LILRB5: variants seen among roughly 807,000 people sequenced by gnomAD.
LILRB5 encodes leukocyte immunoglobulin like receptor B5.
Under a neutral mutation model 68.4 loss-of-function variants are expected in LILRB5, and 61 were observed. That is an observed-to-expected ratio of 0.89 (90% CI 0.73 to 1.10). LILRB5 has a LOEUF of 1.10. Among genes scored for constraint, LILRB5 ranks in the 50% least tolerant of loss-of-function variants. The probability of loss-of-function intolerance (pLI) is 0.00; values close to 1 mark genes in which losing one functional copy is unlikely to be tolerated. For synonymous variants in LILRB5, 356 were observed against 315.8 expected (o/e 1.13, Z -1.35); for missense variants, 771 against 751.6 (o/e 1.03, Z -0.30).
At chr19:54,251,812 G>A (rs539586108) in intron 12 of LILRB5, 3 of 708,398 alleles carry the variant, frequency 4.2e-6, no homozygotes, top group Non-Finnish European at 7.9e-6. Context: ...CCTGGGGAGA[G>A]CTCTAACAAC....
chr19:54,253,671 G>C, intron 8 of LILRB5: 1 of 690,948 alleles, frequency 1.4e-6, no homozygotes, highest in East Asian at 3.0e-5. Flanking sequence ...CCCACGGTGG[G>C]ATGCGGCAGA....
chr19:54,256,902 G>A (rs2079165858), intron 2 of LILRB5, 59 bp downstream of exon 2: 1 of 1,613,444 alleles, frequency 6.2e-7, no homozygotes, highest in African/African-American at 1.3e-5. Context: ...AGCTGCCCGG[G>A]GTTGGGCCCT....
At chr19:54,253,711 G>T in intron 8 of LILRB5, 1 of 1,002,904 alleles carries the variant, frequency 1.0e-6, no homozygotes, top group Non-Finnish European at 1.5e-6. Context: ...AGTCTGACCC[G>T]CAGCCCTTGT....
In LILRB5 at chr19:54,256,146, G is replaced by A. The variant is rs1021423108; in HGVS notation, c.552C>T (p.Pro184=). The A allele has an allele frequency of 5.6e-6, 9 of 1,610,920 alleles. No individual in the cohort carries two copies. Among genetic ancestry groups the A allele is most frequent in the South Asian group, 3.3e-5 (3 of 90,760 alleles). The part of the protein sequence containing the change: ...GPSQALFPVG[P]VTPSCRWRFR... ...ACCTCCACCTGCAGCTGGGGGTCAC[G>A]GGACCCACAGGGAACAGGGCCTGGG... Residue 184 remains proline (P), a synonymous_variant, in exon 4 of 13, where the codon CCC becomes CCT. Coordinates refer to ENST00000449561, the MANE Select transcript of LILRB5 (RefSeq NM_001081442.3).
In LILRB5 at chr19:54,254,805, G is replaced by A. The variant is rs1279103066; in HGVS notation, c.1185C>T (p.Cys395=). The A allele has an allele frequency of 6.2e-7, 1 of 1,614,142 alleles. No homozygotes were observed. The highest frequency in any genetic ancestry group is 8.5e-7 in the Non-Finnish European group (1 of 1,180,000). The change falls in exon 6 of 13, where the codon TGC becomes TGT. Residue 395 remains cysteine, a synonymous_variant. Coordinates refer to ENST00000449561, the MANE Select transcript of LILRB5 (RefSeq NM_001081442.3). ...AGGGGTAGGACCTGATTGCGCTGTA[G>A]CATCGGTAGGTTCCACCCTGGGCTG... ...VTSAQGGTYR[C]YSAIRSYPYL...
At position 54,252,394 on chromosome 19, in the gene LILRB5, T is replaced by C. The variant is rs781148904; in HGVS notation, c.1548A>G (p.Pro516=). The C allele has an allele frequency of 9.9e-6, 16 of 1,614,058 alleles. No homozygotes were observed. The East Asian group carries it at 2.2e-4, about 22-fold the overall frequency. ...GAATTTCCTCCTGGATGTCAGCAAC[T>C]GGGCTGGCCCTGGGGGAGGACACGG... ...KDQGLQKRAS[P]VADIQEEILN... The change falls in exon 11 of 13, where the codon CCA becomes CCG. Residue 516 remains proline (P), a synonymous_variant. Coordinates refer to ENST00000449561, the MANE Select transcript of LILRB5 (RefSeq NM_001081442.3).
At chr19:54,254,494 C>G in intron 6 of LILRB5, 79 bp from the exon 7 acceptor site, 1 of 1,466,966 alleles carries the variant, frequency 6.8e-7, no homozygotes, top group Non-Finnish European at 9.2e-7. Context: ...CCCGTGGCTT[C>G]TCTGGAAACT....
chr19:54,254,027 G>A lies in LILRB5; in HGVS notation c.1348C>T (p.Pro450Ser), dbSNP rs1351456242. Reference protein sequence around the residue: ...DQPLTPTGLDPQSGLGRHLGV... With the variant: ...DQPLTPTGLDSQSGLGRHLGV... The stretch of plus-strand genomic sequence containing the variant: ...AGAGCCCCTCACTCACCACTCTGGG[G>A]ATCCAACCCCGTGGGGGTGAGGGGC... Residue 450 changes from proline to serine, a missense_variant, in exon 8 of 13, where the codon CCC becomes TCC. Pro to Ser is a moderately conservative substitution (Grantham distance 74). Transcript: ENST00000449561. 4 of 1,595,974 alleles carry A rather than the reference G, an allele frequency of 2.5e-6. No individual in the cohort carries two copies. The highest frequency in any genetic ancestry group is 3.5e-5 in the Admixed American group (2 of 57,502).
At chr19:54,254,137 C>G (rs896065974) in intron 7 of LILRB5, 69 bp from the exon 8 acceptor site, 1 of 1,547,250 alleles carries the variant, frequency 6.5e-7, no homozygotes, top group Admixed American at 2.1e-5. Context: ...TGCTCCTCCC[C>G]CAGGCTGGGC....
At position 54,256,362 on chromosome 19, in the gene LILRB5, G is replaced by C. The variant is rs374094808; in HGVS notation, c.356-20C>G. 6.3e-7 allele frequency: 1 copy of C among 1,592,016 alleles called. No homozygotes were observed. The highest frequency in any genetic ancestry group is 8.6e-7 in the Non-Finnish European group (1 of 1,167,998). ...AGAATCCTAGCAGAGAAGGAGGCAC[G>C]TCTTAAGTGGGGCTCCGACCTCCCA... On this transcript the variant is annotated intron_variant, in intron 3 of 12. Transcript: ENST00000449561.
In LILRB5 at chr19:54,256,470, C is replaced by T; in HGVS notation, c.355+19G>A. ...CTGAGGGCAGAGCCTGGGGCTGGGACCCCTGAGTGTCCTCTCACCTGTCGC... is the reference window on the plus strand; with the variant it reads ...CTGAGGGCAGAGCCTGGGGCTGGGATCCCTGAGTGTCCTCTCACCTGTCGC... On this transcript the variant is annotated intron_variant, in intron 3 of 12. Coordinates refer to ENST00000449561, the MANE Select transcript of LILRB5 (RefSeq NM_001081442.3). The T allele has an allele frequency of 1.9e-6, 3 of 1,612,654 alleles. No individual in the cohort carries two copies. The highest frequency in any genetic ancestry group is 1.7e-6 in the Non-Finnish European group (2 of 1,179,356).
At chr19:54,254,195 G>T (rs2079046401) in intron 7 of LILRB5, 127 bp from the exon 8 acceptor site, 1 of 1,495,316 alleles carries the variant, frequency 6.7e-7, no homozygotes, top group Admixed American at 2.3e-5. Context: ...CCCCTCACCG[G>T]CCCAGCCTCA....
At position 54,257,249 on chromosome 19, in the gene LILRB5, C is replaced by A. The variant is rs2079180046; in HGVS notation, c.-56G>T. 1 of 1,611,130 alleles carries A rather than the reference C, an allele frequency of 6.2e-7. No individual in the cohort carries two copies. The highest frequency in any genetic ancestry group is 8.5e-7 in the Non-Finnish European group (1 of 1,177,572). ...AGGCGGATGAGACCACGGTGCCTGG[C>A]AGGACACAAAAACACGCAGAGTGTG... On this transcript the variant is annotated 5_prime_UTR_variant, in exon 1 of 13. Coordinates refer to ENST00000449561, the MANE Select transcript of LILRB5 (RefSeq NM_001081442.3).
chr19:54,256,105 T>C lies in LILRB5; in HGVS notation c.593A>G (p.Tyr198Cys), dbSNP rs760705646. 6.3e-7 allele frequency: 1 copy of C among 1,596,258 alleles called. No homozygotes were observed. The highest frequency in any genetic ancestry group is 8.5e-7 in the Non-Finnish European group (1 of 1,172,224). ...CCACACCTGAGGGTTTTTCCTGTAA[T>C]AGTAATAGCATCTGAACCTCCACCT... ...SCRWRFRCYY[Y>C]YRKNPQVWSN... Residue 198 changes from tyrosine (Y) to cysteine (C), a missense_variant, in exon 4 of 13, where the codon TAT (tyrosine) becomes TGT (cysteine). Transcript: ENST00000449561.
rs2078918158 is a variant in LILRB5 at position 54,250,812 on chromosome 19, T to C, written c.1750A>G (p.Ile584Val). ...QEREPPAEPSIYAPLAIH is the reference protein window; with the variant it reads ...QEREPPAEPSVYAPLAIH ...TAGTGGATGGCCAGGGGGGCGTAGA[T>C]GCTGGGTTCAGCTGGAGGTTCCCTT... The change falls in exon 13 of 13, where the codon ATC becomes GTC. Residue 584 changes from isoleucine to valine, a missense_variant. Physicochemically the swap from Ile to Val is conservative, Grantham distance 29. Transcript: ENST00000449561. The C allele has an allele frequency of 1.2e-6, 2 of 1,614,148 alleles. No homozygotes were observed. The highest frequency in any genetic ancestry group is 8.5e-7 in the Non-Finnish European group (1 of 1,180,032).
At position 54,256,695 on chromosome 19, in the gene LILRB5, T is replaced by C; in HGVS notation, c.149A>G (p.Gln50Arg). 1 of 1,614,120 alleles carries C rather than the reference T, an allele frequency of 6.2e-7. No homozygotes were observed. The highest frequency in any genetic ancestry group is 8.5e-7 in the Non-Finnish European group (1 of 1,179,994). ...GTACTCCTCAGTCTCCAGGGGCCCCTGACACCAGAGGGTCACGGGCTTCCC... is the reference window on the plus strand; with the variant it reads ...GTACTCCTCAGTCTCCAGGGGCCCCCGACACCAGAGGGTCACGGGCTTCCC... ...ARGKPVTLWC[Q>R]GPLETEEYRL... The change falls in exon 3 of 13, where the codon CAG becomes CGG. Residue 50 changes from glutamine (Q) to arginine (R), a missense_variant. Gln to Arg is a conservative substitution (Grantham distance 43). Transcript: ENST00000449561.
intron 12 of LILRB5, 68 bp downstream of exon 12, chr19:54,251,986 A>G: frequency 6.8e-7 from 1 of 1,476,538 alleles, no homozygotes; most frequent in Admixed American, 1.7e-5. Flanking sequence ...AGGAGGACAG[A>G]GAAGTCCTGC....
intron 8 of LILRB5, chr19:54,253,402 TCTCACTCCCAG>T (rs1456503494): frequency 4.9e-6 from 1 of 204,604 alleles, no homozygotes; most frequent in East Asian, 1.4e-4. Flanking sequence ...CCTGCATTGC[TCTCACTCCCAG>T]CTCAGCCAGG....
intron 7 of LILRB5, 108 bp from the exon 8 acceptor site, chr19:54,254,176 G>A (rs962688154): frequency 4.3e-5 from 65 of 1,515,136 alleles, no homozygotes; most frequent in Admixed American, 6.7e-5. Context: ...TCTCTGCCTC[G>A]ACGCCCGCCC....
Sources: gnomAD v4.1 joint callset for allele counts on GRCh38, gnomAD v4.1.1 for gene constraint, MANE v1.5 for transcripts, NCBI Gene and HGNC (gene_info 2026-07-23, HGNC 2026-07-21) for gene names.